RUFY3: variants seen among roughly 807,000 people sequenced by gnomAD.
RUFY3 encodes RUN and FYVE domain containing 3.
RUFY3 carries 34 observed loss-of-function variants against 84.0 expected under a neutral mutation model. The observed-to-expected ratio is 0.40, with a 90% CI of 0.31 to 0.54. The LOEUF is 0.54. Among genes scored for constraint, RUFY3 ranks in the 20% least tolerant of loss-of-function variants. RUFY3 has a pLI of 0.39. For synonymous variants in RUFY3, 242 were observed against 252.9 expected, an observed-to-expected ratio of 0.96 and a Z score of 0.41; for missense variants, 507 against 736.8, an observed-to-expected ratio of 0.69 and a Z score of 3.61.
At chr4:70,754,320 T>TCCCGA (rs1723628458) in intron 1 of RUFY3, among the ~76,000 whole-genome samples, 3 of 152,202 alleles carry the variant, frequency 2.0e-5, no homozygotes, top group African/African-American at 7.2e-5. Flanking sequence ...CCCAAAGTGC[T>TCCCGA]GGGATTACAG....
At chr4:70,797,045 A>T (rs1435432280) in intron 14 of RUFY3, among the ~76,000 whole-genome samples, 1 of 151,206 alleles carries the variant, frequency 6.6e-6, no homozygotes, top group African/African-American at 2.4e-5. Flanking sequence ...GGCTCAGGTG[A>T]TCCTCCTGCC....
chr4:70,726,364 C>CT (rs977016939), intron 1 of RUFY3, among the ~76,000 whole-genome samples: 1 of 151,936 alleles, frequency 6.6e-6, no homozygotes, highest in Admixed American at 6.6e-5. Flanking sequence ...TACCATCACT[C>CT]TTTTTTTTCT....
At chr4:70,762,398 A>C (rs1725184122) in intron 1 of RUFY3, 121 bp from the exon 2 acceptor site, 3 of 821,954 alleles carry the variant, frequency 3.6e-6, no homozygotes, top group Non-Finnish European at 5.8e-6. Context: ...GGATATTCTT[A>C]AAGGAAACTG....
At chr4:70,732,967 C>T (rs1359680028) in intron 1 of RUFY3, among the ~76,000 whole-genome samples, 1 of 151,238 alleles carries the variant, frequency 6.6e-6, no homozygotes. Context: ...TGTGGGAGGC[C>T]GAGGCAGGAG....
chr4:70,801,721 A>G (rs1280605933), intron 15 of RUFY3, among the ~76,000 whole-genome samples: 2 of 152,172 alleles, frequency 1.3e-5, no homozygotes, highest in Admixed American at 1.3e-4. Flanking sequence ...CTTGGCCTAA[A>G]TGTCCCTTTC....
intron 5 of RUFY3, among the ~76,000 whole-genome samples, chr4:70,769,912 T>C (rs1726671516): frequency 6.6e-6 from 1 of 152,178 alleles, no homozygotes; most frequent in Non-Finnish European, 1.5e-5. Flanking sequence ...AACCTCCGCC[T>C]CCTGGGCTCA....
intron 8 of RUFY3, among the ~76,000 whole-genome samples, chr4:70,780,038 A>T (rs1032195151): frequency 3.9e-5 from 6 of 152,162 alleles, no homozygotes; most frequent in Non-Finnish European, 7.3e-5. Flanking sequence ...TTTATTACTC[A>T]ACTCTGTGAC....
intron 4 of RUFY3, 87 bp downstream of exon 4, chr4:70,764,663 G>C: frequency 1.3e-6 from 1 of 741,594 alleles, no homozygotes; most frequent in African/African-American, 1.8e-5. Flanking sequence ...TATTTTTGTA[G>C]ATCAGAAACA....
chr4:70,721,871 C>G, upstream of RUFY3: 2 of 1,230,294 alleles, frequency 1.6e-6, no homozygotes, highest in Non-Finnish European at 2.0e-6. Flanking sequence ...AGCCTAATTG[C>G]TCTCCCAGCA....
chr4:70,780,320 G>A (rs1728700425), intron 8 of RUFY3, among the ~76,000 whole-genome samples: 1 of 152,014 alleles, frequency 6.6e-6, no homozygotes, highest in South Asian at 2.1e-4. Context: ...TTTTGAGACA[G>A]AGTATTGCTT....
upstream of RUFY3, among the ~76,000 whole-genome samples, chr4:70,717,189 G>T (rs1002221077): frequency 6.6e-6 from 1 of 152,098 alleles, no homozygotes; most frequent in Non-Finnish European, 1.5e-5. Context: ...TTTTTAAAAA[G>T]CGTACAATGC....
At chr4:70,778,148 C>T (rs1408713259) in intron 7 of RUFY3, among the ~76,000 whole-genome samples, 1 of 152,110 alleles carries the variant, frequency 6.6e-6, no homozygotes, top group Non-Finnish European at 1.5e-5. Flanking sequence ...GCAAGAGAAT[C>T]ACTTGAACCC....
At chr4:70,793,354 C>T (rs748749936) in intron 12 of RUFY3, 32 of 1,012,858 alleles carry the variant, frequency 3.2e-5, no homozygotes, top group Non-Finnish European at 3.8e-5. Flanking sequence ...GGTAGTTGCC[C>T]ATTTACAAGT....
intron 8 of RUFY3, among the ~76,000 whole-genome samples, chr4:70,782,272 G>GTAAGGTGA (rs1729047939): frequency 6.6e-6 from 1 of 150,770 alleles, no homozygotes; most frequent in Admixed American, 6.6e-5. Context: ...AAAAGTAGCA[G>GTAAGGTGA]TAAGGTGATA....
intron 15 of RUFY3, among the ~76,000 whole-genome samples, chr4:70,800,527 A>G (rs1732089492): frequency 6.6e-6 from 1 of 152,224 alleles, no homozygotes; most frequent in African/African-American, 2.4e-5. Context: ...TATAAGTCAT[A>G]CATAGCATTT....
At chr4:70,718,435 T>C (rs1474950357), upstream of RUFY3, among the ~76,000 whole-genome samples, 1 of 152,172 alleles carries the variant, frequency 6.6e-6, no homozygotes, top group Admixed American at 6.5e-5. Flanking sequence ...GAACGTAGTA[T>C]TTTTTGGATC....
chr4:70,779,766 G>T (rs756008186), intron 8 of RUFY3, among the ~76,000 whole-genome samples: 7 of 151,796 alleles, frequency 4.6e-5, no homozygotes, highest in Non-Finnish European at 1.0e-4. Context: ...TAGAGAGGGG[G>T]TCTTGCCATG....
At chr4:70,784,394 A>G (rs1729444881) in intron 9 of RUFY3, among the ~76,000 whole-genome samples, 1 of 152,172 alleles carries the variant, frequency 6.6e-6, no homozygotes, top group Admixed American at 6.5e-5. Flanking sequence ...GAGACAGGAG[A>G]ATCGCTTGAA....
Position 70,806,880 on chromosome 4 carries a change from C to T in RUFY3, c.*221C>T. ...AAAGTGAACTTACTTGAGCCTTTCT[C>T]TTCTAAATCTAAACAACCTGATATT... is the stretch of plus-strand genomic sequence containing the variant. On this transcript the variant is annotated 3_prime_UTR_variant, in exon 18 of 18. Transcript: ENST00000381006. 1 of 448,348 alleles carries T rather than the reference C, an allele frequency of 2.2e-6. No homozygotes were observed. The highest frequency in any genetic ancestry group is 2.0e-5 in the African/African-American group (1 of 50,802). 27.8% of individuals were successfully genotyped at this position (448,348 alleles called of 1,614,324 possible).
Sources: gnomAD v4.1 joint callset for allele counts (sites outside exome capture counted in the v4.1 genomes callset) on GRCh38, gnomAD v4.1.1 for gene constraint, MANE v1.5 for transcripts, NCBI Gene and HGNC (gene_info 2026-07-23, HGNC 2026-07-21) for gene names.